Variants in HS3ST4 observed in about 807,000 individuals in gnomAD.
The protein encoded by HS3ST4 is heparan sulfate glucosamine 3-O-sulfotransferase 4.
In HS3ST4, 17 loss-of-function variants were observed where a neutral mutation model predicts 29.2. The observed-to-expected ratio is 0.58, with a 90% CI of 0.40 to 0.87. The LOEUF (loss-of-function observed/expected upper bound fraction) is 0.87, where lower values mean the gene tolerates loss of function less well. HS3ST4 is among the 40% of genes least tolerant of loss of function. HS3ST4 has a pLI of 0.00. For synonymous variants in HS3ST4, 314 were observed against 285.7 expected (o/e 1.10, Z -1.00); for missense variants, 627 against 634.5 (o/e 0.99, Z 0.13).
intron 1 of HS3ST4, among the ~76,000 whole-genome samples, chr16:26,123,799 G>C (rs1315855780): frequency 6.6e-6 from 1 of 152,156 alleles, no homozygotes; most frequent in Non-Finnish European, 1.5e-5. Flanking sequence ...ACTCCACTTA[G>C]ATTAATGACT....
intron 1 of HS3ST4, among the ~76,000 whole-genome samples, chr16:26,051,312 G>A (rs1214738802): frequency 6.6e-6 from 1 of 152,000 alleles, no homozygotes; most frequent in African/African-American, 2.4e-5. Context: ...ACAACTGCAA[G>A]AGCCATATGC....
intron 1 of HS3ST4, among the ~76,000 whole-genome samples, chr16:25,962,924 A>G (rs1968808685): frequency 6.6e-6 from 1 of 152,134 alleles, no homozygotes; most frequent in African/African-American, 2.4e-5. Flanking sequence ...TAAGAATTCA[A>G]CCAATCCTAT....
chr16:25,771,988 G>A (rs1355725493), intron 1 of HS3ST4, among the ~76,000 whole-genome samples: 1 of 152,136 alleles, frequency 6.6e-6, no homozygotes, highest in Non-Finnish European at 1.5e-5. Context: ...GTCTGGCGTT[G>A]GCAAACTTTT....
chr16:26,044,018 T>C (rs1211008958), intron 1 of HS3ST4, among the ~76,000 whole-genome samples: 2 of 152,304 alleles, frequency 1.3e-5, no homozygotes, highest in Non-Finnish European at 2.9e-5. Context: ...GCATAGGAAA[T>C]TGAAGCACAG....
chr16:25,724,661 C>A (rs1453122496), intron 1 of HS3ST4, among the ~76,000 whole-genome samples: 1 of 152,104 alleles, frequency 6.6e-6, no homozygotes, highest in Non-Finnish European at 1.5e-5. Flanking sequence ...TGCGCTCGGC[C>A]CCCTCAACTT....
At chr16:25,925,630 A>G (rs925615554) in intron 1 of HS3ST4, among the ~76,000 whole-genome samples, 9 of 152,246 alleles carry the variant, frequency 5.9e-5, no homozygotes, top group African/African-American at 2.2e-4. Flanking sequence ...CTGGGGAAAC[A>G]TCAGAGAAAT....
intron 1 of HS3ST4, among the ~76,000 whole-genome samples, chr16:25,845,733 T>C (rs2141647083): frequency 6.6e-6 from 1 of 151,864 alleles, no homozygotes; most frequent in East Asian, 1.9e-4. Flanking sequence ...CTTTCTTTCA[T>C]TCTCTTTGTC....
At chr16:26,009,208 A>G (rs1480095896) in intron 1 of HS3ST4, among the ~76,000 whole-genome samples, 1 of 152,206 alleles carries the variant, frequency 6.6e-6, no homozygotes, top group Non-Finnish European at 1.5e-5. Context: ...CCCTGATCAC[A>G]TGATTCCATC....
intron 1 of HS3ST4, among the ~76,000 whole-genome samples, chr16:26,088,475 T>G (rs553684808): frequency 2.0e-5 from 3 of 152,306 alleles, no homozygotes; most frequent in Admixed American, 1.3e-4. Context: ...TGTGGTAATG[T>G]ATAGTTGGTT....
chr16:25,830,281 G>A (rs1484798616), intron 1 of HS3ST4, among the ~76,000 whole-genome samples: 3 of 152,172 alleles, frequency 2.0e-5, no homozygotes, highest in East Asian at 1.9e-4. Flanking sequence ...CACGTTTCAC[G>A]ATGCCACATT....
At chr16:25,892,464 A>G (rs1331265357) in intron 1 of HS3ST4, among the ~76,000 whole-genome samples, 1 of 152,226 alleles carries the variant, frequency 6.6e-6, no homozygotes, top group Non-Finnish European at 1.5e-5. Flanking sequence ...GTCAACAGTG[A>G]GTGACAGAGG....
rs1198425290 is a variant in HS3ST4 at position 26,137,218 on chromosome 16, A to G, written c.*970A>G. 6.6e-6 allele frequency: 1 copy of G among 152,090 alleles called. No individual in the cohort carries two copies. Among genetic ancestry groups the G allele is most frequent in the Non-Finnish European group, 1.5e-5 (1 of 67,996 alleles). 9.4% of individuals were successfully genotyped at this position (152,090 alleles called of 1,614,324 possible). On this transcript the variant is annotated 3_prime_UTR_variant, in exon 2 of 2. Coordinates refer to ENST00000331351, the MANE Select transcript of HS3ST4 (RefSeq NM_006040.3). ...GTTTTTGGGGTGGACTCTGTCCCCT[A>G]GGGTCCCTAGAAGGGCAAAGACCAG... is the stretch of plus-strand genomic sequence containing the variant.
chr16:26,075,616 A>T (rs1181941460), intron 1 of HS3ST4, among the ~76,000 whole-genome samples: 1 of 152,210 alleles, frequency 6.6e-6, no homozygotes, highest in African/African-American at 2.4e-5. Context: ...ACATGGCAGT[A>T]AACTGGATAG....
intron 1 of HS3ST4, among the ~76,000 whole-genome samples, chr16:26,012,216 C>A (rs1969317302): frequency 1.3e-5 from 2 of 152,152 alleles, no homozygotes; most frequent in South Asian, 4.1e-4. Flanking sequence ...TATCTCCACA[C>A]ATGTGGCATA....
rs113014553 is a variant in HS3ST4, at chr16:26,039,020, T to C, written c.735-96592T>C. On this transcript the variant is annotated intron_variant, in intron 1 of 1. Transcript: ENST00000331351. The stretch of plus-strand genomic sequence containing the variant: ...CAAGGTCTAGCTCAGTGTTGCCTGA[T>C]CTCGGTGACATCAGAGATAAGGCAA... Among the ~76,000 whole-genome samples, 282 of 152,236 alleles carry C rather than the reference T, an allele frequency of 1.9e-3. 1 individual carries two copies. The highest frequency in any genetic ancestry group is 6.5e-3 in the African/African-American group (269 of 41,536).
chr16:25,842,227 G>A (rs1297104042), intron 1 of HS3ST4, among the ~76,000 whole-genome samples: 2 of 152,106 alleles, frequency 1.3e-5, no homozygotes, highest in African/African-American at 4.8e-5. Flanking sequence ...TTAAATTTTT[G>A]GAATTACACA....
chr16:25,797,424 A>G (rs1340354420), intron 1 of HS3ST4, among the ~76,000 whole-genome samples: 6 of 152,136 alleles, frequency 3.9e-5, no homozygotes, highest in Non-Finnish European at 4.4e-5. Flanking sequence ...CTCATCTTTA[A>G]GGTATGGAGA....
chr16:25,799,907 A>G (rs1015798269), intron 1 of HS3ST4, among the ~76,000 whole-genome samples: 4 of 152,228 alleles, frequency 2.6e-5, no homozygotes, highest in African/African-American at 4.8e-5. Flanking sequence ...GTGCATGGCT[A>G]TTCAGAAGCA....
chr16:26,098,937 T>A (rs1428756727), intron 1 of HS3ST4, among the ~76,000 whole-genome samples: 1 of 151,698 alleles, frequency 6.6e-6, no homozygotes, highest in Non-Finnish European at 1.5e-5. Context: ...GGCAAAAGGG[T>A]GATATAGAGG....
Sources: gnomAD v4.1 joint callset for allele counts (sites outside exome capture counted in the v4.1 genomes callset) on GRCh38, gnomAD v4.1.1 for gene constraint, MANE v1.5 for transcripts, NCBI Gene and HGNC (gene_info 2026-07-23, HGNC 2026-07-21) for gene names.